Variants in CDK8 observed in about 807,000 individuals in gnomAD.
CDK8 encodes the protein cyclin dependent kinase 8.
Under a neutral mutation model 71.5 loss-of-function variants are expected in CDK8, and 29 were observed. The ratio of observed to expected loss-of-function variants is 0.41; its 90% CI spans 0.30 to 0.55. The LOEUF is 0.55. Among genes scored for constraint, CDK8 ranks in the 20% least tolerant of loss-of-function variants. The probability of loss-of-function intolerance (pLI) is 0.37; values close to 1 mark genes in which losing one functional copy is unlikely to be tolerated. For synonymous variants in CDK8, 161 were observed against 192.1 expected, an observed-to-expected ratio of 0.84 and a Z score of 1.34; for missense variants, 288 against 572.6, an observed-to-expected ratio of 0.50 and a Z score of 5.07.
chr13:26,400,597 A>T, intron 10 of CDK8, 47 bp downstream of exon 10: 1 of 1,136,566 alleles, frequency 8.8e-7, no homozygotes, highest in Non-Finnish European at 1.3e-6. Context: ...GAAGTTTTGG[A>T]GTATGCTTTC....
chr13:26,374,757 A>G (rs1051880080), intron 4 of CDK8, among the ~76,000 whole-genome samples: 11 of 152,192 alleles, frequency 7.2e-5, no homozygotes, highest in Non-Finnish European at 1.5e-4. Context: ...ATAAAATTAT[A>G]TGATGTAGAT....
chr13:26,332,760 AGTTT>A (rs749356199), intron 1 of CDK8, among the ~76,000 whole-genome samples: 5 of 152,068 alleles, frequency 3.3e-5, no homozygotes, highest in African/African-American at 7.2e-5. Context: ...TTCTATGCCT[AGTTT>A]GTTAAGTATT....
At chr13:26,371,830 C>G (rs1874703588) in intron 4 of CDK8, among the ~76,000 whole-genome samples, 1 of 152,034 alleles carries the variant, frequency 6.6e-6, no homozygotes, top group Admixed American at 6.5e-5. Flanking sequence ...GTTGGTCAGG[C>G]TGGTCTCGAA....
chr13:26,289,904 T>C (rs1035359510), intron 1 of CDK8, among the ~76,000 whole-genome samples: 1 of 152,382 alleles, frequency 6.6e-6, no homozygotes, highest in East Asian at 1.9e-4. Context: ...CTTGGTTTTA[T>C]TTCTGACCTA....
At chr13:26,319,488 A>G (rs1054320932) in intron 1 of CDK8, among the ~76,000 whole-genome samples, 2 of 151,990 alleles carry the variant, frequency 1.3e-5, no homozygotes, top group Non-Finnish European at 2.9e-5. Context: ...AAAAAGAATA[A>G]AATACTTAGG....
At chr13:26,379,866 A>T (rs1421308312) in intron 4 of CDK8, among the ~76,000 whole-genome samples, 1 of 152,190 alleles carries the variant, frequency 6.6e-6, no homozygotes, top group Non-Finnish European at 1.5e-5. Flanking sequence ...GTGCAGCTTT[A>T]TAGTTCGAAT....
chr13:26,289,865 A>G (rs1002507246), intron 1 of CDK8, among the ~76,000 whole-genome samples: 2 of 152,108 alleles, frequency 1.3e-5, no homozygotes, highest in African/African-American at 4.8e-5. Flanking sequence ...TTGCTTCTTA[A>G]TTATTTTTTA....
chr13:26,275,732 T>C (rs1872536441), intron 1 of CDK8, among the ~76,000 whole-genome samples: 1 of 152,258 alleles, frequency 6.6e-6, no homozygotes, highest in African/African-American at 2.4e-5. Flanking sequence ...CTTTCTGCAT[T>C]TCTTATAAAG....
At chr13:26,328,217 T>G (rs749326641) in intron 1 of CDK8, among the ~76,000 whole-genome samples, 1 of 152,210 alleles carries the variant, frequency 6.6e-6, no homozygotes, top group Non-Finnish European at 1.5e-5. Context: ...TCTTACACAT[T>G]ATCACATATT....
intron 1 of CDK8, among the ~76,000 whole-genome samples, chr13:26,269,610 A>G (rs942132310): frequency 6.6e-6 from 1 of 152,074 alleles, no homozygotes; most frequent in Non-Finnish European, 1.5e-5. Context: ...TCCTAAGTAC[A>G]TGAAAATTTC....
At chr13:26,333,659 C>T (rs1872854865) in intron 1 of CDK8, among the ~76,000 whole-genome samples, 1 of 152,144 alleles carries the variant, frequency 6.6e-6, no homozygotes, top group Non-Finnish European at 1.5e-5. Flanking sequence ...AAATTACCTT[C>T]AGGCAATGTG....
intron 2 of CDK8, among the ~76,000 whole-genome samples, chr13:26,345,208 G>A (rs995076138): frequency 1.3e-5 from 2 of 152,084 alleles, no homozygotes; most frequent in African/African-American, 2.4e-5. Context: ...AGGTACTGGG[G>A]GTAGGGCTTC....
At chr13:26,317,952 A>G (rs1483843916) in intron 1 of CDK8, among the ~76,000 whole-genome samples, 1 of 152,092 alleles carries the variant, frequency 6.6e-6, no homozygotes, top group African/African-American at 2.4e-5. Context: ...TACACAAAAT[A>G]GAGAATAAAA....
At chr13:26,394,903 A>G (rs917075800) in intron 7 of CDK8, among the ~76,000 whole-genome samples, 25 of 152,240 alleles carry the variant, frequency 1.6e-4, no homozygotes, top group African/African-American at 6.0e-4. Context: ...AACCAGCTGT[A>G]GCAGTGCTGC....
chr13:26,404,387 G>C lies in CDK8; in HGVS notation c.*306G>C. On this transcript the variant is annotated 3_prime_UTR_variant, in exon 13 of 13. Coordinates refer to ENST00000381527, the MANE Select transcript of CDK8 (RefSeq NM_001260.3). ...TTTTCAGTGACAGTCTGTAGCAGTT[G>C]AAGCTGTGAATGTGCTAGGGGCAAG... The C allele has an allele frequency of 3.3e-6, 1 of 305,896 alleles. No homozygotes were observed. Among genetic ancestry groups the C allele is most frequent in the South Asian group, 7.5e-5 (1 of 13,304 alleles). The allele number at this position is 305,896 out of a possible 1,614,324, so 18.9% of individuals were successfully genotyped here.
At chr13:26,269,583 G>A (rs927896015) in intron 1 of CDK8, among the ~76,000 whole-genome samples, 1 of 151,884 alleles carries the variant, frequency 6.6e-6, no homozygotes, top group South Asian at 2.1e-4. Context: ...ATTCTAAAAG[G>A]TGATTCAGTC....
At chr13:26,283,145 A>C (rs1872835781) in intron 1 of CDK8, among the ~76,000 whole-genome samples, 1 of 152,230 alleles carries the variant, frequency 6.6e-6, no homozygotes, top group African/African-American at 2.4e-5. Flanking sequence ...ACAGGTCATC[A>C]AGACAGAAAG....
intron 1 of CDK8, among the ~76,000 whole-genome samples, chr13:26,333,616 G>A (rs1872853116): frequency 6.6e-6 from 1 of 152,046 alleles, no homozygotes; most frequent in East Asian, 1.9e-4. Flanking sequence ...CACAAACTTT[G>A]TTTTATGCAC....
At chr13:26,348,455 C>T (rs569348596) in intron 2 of CDK8, among the ~76,000 whole-genome samples, 11 of 152,216 alleles carry the variant, frequency 7.2e-5, no homozygotes, top group Non-Finnish European at 1.2e-4. Flanking sequence ...TTGTGAACTG[C>T]GCATGTGAAG....
Sources: gnomAD v4.1 joint callset for allele counts (sites outside exome capture counted in the v4.1 genomes callset) on GRCh38, gnomAD v4.1.1 for gene constraint, MANE v1.5 for transcripts, NCBI Gene and HGNC (gene_info 2026-07-23, HGNC 2026-07-21) for gene names.